Variants in PCDHA2 observed in about 807,000 individuals in gnomAD.
The protein encoded by PCDHA2 is protocadherin alpha 2.
In PCDHA2, 58 loss-of-function variants were observed where a neutral mutation model predicts 66.0. The observed-to-expected ratio is 0.88, with a 90% CI of 0.71 to 1.09. The LOEUF is 1.09. Among genes scored for constraint, PCDHA2 ranks in the 50% least tolerant of loss-of-function variants. The pLI, the probability that PCDHA2 is intolerant of heterozygous loss-of-function variation, is 0.00. For missense variants in PCDHA2, 1,267 were observed against 1,242.3 expected (o/e 1.02, Z -0.30); for synonymous variants, 634 against 554.0 (o/e 1.14, Z -2.03).
intron 1 of PCDHA2, among the ~76,000 whole-genome samples, chr5:140,827,112 A>G (rs768738811): frequency 2.0e-5 from 3 of 152,224 alleles, no homozygotes; most frequent in Non-Finnish European, 4.4e-5. Context: ...TGTATAGGTG[A>G]AAGTGACAAT....
rs199941722 is a variant in PCDHA2 at position 140,828,275 on chromosome 5, C to T, written c.2388+30923C>T. Reference sequence around the variant, plus strand: ...GCTGGAGCTGGCGGAGCTGGTGCCGCGCCTGTTCAGGATGGCCTCCAAAGA... The same window carrying T: ...GCTGGAGCTGGCGGAGCTGGTGCCGTGCCTGTTCAGGATGGCCTCCAAAGA... On this transcript the variant is annotated intron_variant, in intron 1 of 3. Transcript: ENST00000526136. The T allele has an allele frequency of 3.1e-6, 5 of 1,614,064 alleles. No homozygotes were observed. The Admixed American group carries it at 6.7e-5, about 22-fold the overall frequency.
rs538024116 is a variant in PCDHA2 at position 140,945,235 on chromosome 5, T to C, written c.2389-33714T>C. Among the ~76,000 whole-genome samples the C allele has an allele frequency of 1.1e-4, 17 of 152,128 alleles. No homozygotes were observed. In the South Asian group the frequency reaches 3.5e-3, roughly 32 times the overall value. On this transcript the variant is annotated intron_variant, in intron 1 of 3. Coordinates refer to ENST00000526136, the MANE Select transcript of PCDHA2 (RefSeq NM_018905.3). ...GAAAATAAAAATACTTAGGAATAAA[T>C]TTAACCAAGAGGATGAAAGACCTGC...
intron 1 of PCDHA2, among the ~76,000 whole-genome samples, chr5:140,886,844 A>AAAAG (rs1232979230): frequency 8.6e-5 from 13 of 150,634 alleles, no homozygotes; most frequent in African/African-American, 1.2e-4. Flanking sequence ...AAAAAAAAAA[A>AAAAG]AAAGAAAGGT....
At chr5:140,797,647 C>T (rs1039361824) in intron 1 of PCDHA2, among the ~76,000 whole-genome samples, 1 of 152,114 alleles carries the variant, frequency 6.6e-6, no homozygotes, top group East Asian at 1.9e-4. Flanking sequence ...AAACATTTCC[C>T]ATAAATATTT....
chr5:140,912,612 A>T (rs1286245692), intron 1 of PCDHA2, among the ~76,000 whole-genome samples: 1 of 151,994 alleles, frequency 6.6e-6, no homozygotes, highest in South Asian at 2.1e-4. Context: ...CTCTTGTCTG[A>T]TTACTCTGGA....
chr5:140,912,122 C>A (rs1008861945), intron 1 of PCDHA2, among the ~76,000 whole-genome samples: 1 of 152,194 alleles, frequency 6.6e-6, no homozygotes, highest in Admixed American at 6.5e-5. Context: ...GAGGCTAAGT[C>A]AGTCTAATCT....
At chr5:141,003,938 G>A (rs1195315346) in intron 3 of PCDHA2, among the ~76,000 whole-genome samples, 1 of 152,178 alleles carries the variant, frequency 6.6e-6, no homozygotes, top group Non-Finnish European at 1.5e-5. Flanking sequence ...GTCTTTGCCT[G>A]AGGGTGAGCT....
rs2150354431 is a variant in PCDHA2 at position 140,843,174 on chromosome 5, C to T, written c.2388+45822C>T. 1.1e-4 allele frequency: 178 copies of T among 1,595,970 alleles called. 24 individuals carry two copies. Among genetic ancestry groups the T allele is most frequent in the Non-Finnish European group, 1.5e-4 (177 of 1,165,624 alleles). ...GAGCTGCAGCCAGCTGCAAGCAGCC[C>T]TCGCATCCCGTTCCGCGTGGGGCTG... On this transcript the variant is annotated intron_variant, in intron 1 of 3. Transcript: ENST00000526136.
chr5:140,985,401 C>T (rs2097150530), intron 3 of PCDHA2, among the ~76,000 whole-genome samples: 1 of 152,108 alleles, frequency 6.6e-6, no homozygotes, highest in Non-Finnish European at 1.5e-5. Flanking sequence ...CCAACTGTTC[C>T]CCTGGAAATG....
In PCDHA2 at chr5:140,823,392, G is replaced by T. The variant is rs200444377; in HGVS notation, c.2388+26040G>T. On this transcript the variant is annotated intron_variant, in intron 1 of 3. Coordinates refer to ENST00000526136, the MANE Select transcript of PCDHA2 (RefSeq NM_018905.3). ...AGTTCCAGGTGAGCGCGCGCGACGC[G>T]GGCGTGCCGCCTCTGGGCAGCAACG... is the stretch of plus-strand genomic sequence containing the variant. The T allele has an allele frequency of 5.6e-6, 9 of 1,612,814 alleles. No individual in the cohort carries two copies. In the Admixed American group the frequency reaches 1.3e-4, roughly 24 times the overall value.
intron 1 of PCDHA2, chr5:140,869,197 C>T: frequency 6.2e-7 from 1 of 1,614,026 alleles, no homozygotes; most frequent in Non-Finnish European, 8.5e-7. Context: ...CGGCCAGCTC[C>T]ACTACTCCGT....
chr5:140,803,181 ACGGCCACTGTG>A (rs1763138545), intron 1 of PCDHA2: 1 of 1,613,782 alleles, frequency 6.2e-7, no homozygotes, highest in African/African-American at 1.3e-5. Context: ...ATTGACCGCC[ACGGCCACTGTG>A]CTGGTGTCGC....
intron 1 of PCDHA2, among the ~76,000 whole-genome samples, chr5:140,970,867 G>A (rs1207924606): frequency 6.6e-6 from 1 of 152,124 alleles, no homozygotes; most frequent in Non-Finnish European, 1.5e-5. Flanking sequence ...ATTCCTGATT[G>A]AGAGTAGATT....
chr5:140,824,114 C>T (rs1218962389), intron 1 of PCDHA2: 1 of 1,613,950 alleles, frequency 6.2e-7, no homozygotes, highest in Non-Finnish European at 8.5e-7. Context: ...CAGGGTCCCA[C>T]CTCTACAGAC....
At chr5:140,846,790 C>T (rs1780677178) in intron 1 of PCDHA2, among the ~76,000 whole-genome samples, 1 of 149,194 alleles carries the variant, frequency 6.7e-6, no homozygotes, top group Non-Finnish European at 1.5e-5. Context: ...ATTACTGAGC[C>T]CCAGCCCCTG....
intron 1 of PCDHA2, chr5:140,809,530 C>G: frequency 6.2e-7 from 1 of 1,613,906 alleles, no homozygotes; most frequent in Non-Finnish European, 8.5e-7. Context: ...ACTCTAGGGA[C>G]AGAGAAGATC....
chr5:140,823,974 G>A, intron 1 of PCDHA2: 1 of 1,614,122 alleles, frequency 6.2e-7, no homozygotes, highest in African/African-American at 1.3e-5. Context: ...TGTGCACACG[G>A]GGCAAGCCCA....
intron 3 of PCDHA2, among the ~76,000 whole-genome samples, chr5:140,996,637 G>A (rs2097735642): frequency 6.6e-6 from 1 of 152,190 alleles, no homozygotes; most frequent in Admixed American, 6.5e-5. Flanking sequence ...TGCAAATTAT[G>A]TAGTTAATCC....
At chr5:140,926,494 C>T (rs565938693) in intron 1 of PCDHA2, 46 of 181,758 alleles carry the variant, frequency 2.5e-4, no homozygotes, top group African/African-American at 1.0e-3. Flanking sequence ...GTGTTAGTGT[C>T]TCGGGGCGTC....
Sources: gnomAD v4.1 joint callset for allele counts (sites outside exome capture counted in the v4.1 genomes callset) on GRCh38, gnomAD v4.1.1 for gene constraint, MANE v1.5 for transcripts, NCBI Gene and HGNC (gene_info 2026-07-23, HGNC 2026-07-21) for gene names.